The following GLYATL2 variants were observed in gnomAD, a reference collection of about 807,000 sequenced individuals.
GLYATL2 encodes the protein glycine N-acyltransferase-like protein 2.
GLYATL2 carries 25 observed loss-of-function variants against 21.4 expected under a neutral mutation model. The observed-to-expected ratio is 1.17, with a 90% CI of 0.85 to 1.63. The LOEUF is 1.63. Ranked by LOEUF, GLYATL2 falls within the 40% of genes most tolerant of loss-of-function variation. GLYATL2 has a pLI of 0.00. For synonymous variants in GLYATL2, 114 were observed against 118.2 expected (o/e 0.96, Z 0.23); for missense variants, 361 against 343.3 (o/e 1.05, Z -0.41).
chr11:58,865,120 G>A (rs918112708), intron 1 of GLYATL2, among the ~76,000 whole-genome samples: 1 of 140,034 alleles, frequency 7.1e-6, no homozygotes, highest in South Asian at 2.4e-4. Context: ...CTTTTTCTAT[G>A]TCAGTCATAC....
chr11:58,861,999 AT>A (rs1477240757), intron 1 of GLYATL2, among the ~76,000 whole-genome samples: 1 of 152,034 alleles, frequency 6.6e-6, no homozygotes, highest in Non-Finnish European at 1.5e-5. Context: ...AACTCCCTCA[AT>A]TTTTGTTTGC....
At chr11:58,867,542 C>T (rs142626532) in intron 1 of GLYATL2, among the ~76,000 whole-genome samples, 68 of 149,008 alleles carry the variant, frequency 4.6e-4, no homozygotes, top group African/African-American at 1.5e-3. Context: ...ACATTCAAGA[C>T]TAGCCAGCTG....
rs138067857 is a variant in GLYATL2 at position 58,887,241 on chromosome 11, A to G, written n.60+16915T>C. Among the ~76,000 whole-genome samples, 240 of 152,322 alleles carry G rather than the reference A, an allele frequency of 1.6e-3. 2 individuals carry two copies. The highest frequency in any genetic ancestry group is 5.6e-3 in the African/African-American group (231 of 41,578). ...TGAAAATATAAAAGTTGAATGCCAC[A>G]CATATATGACCAAAGAAATGGAAAT... On this transcript the variant is annotated intron_variant and non_coding_transcript_variant, in intron 1 of 4. Coordinates refer to the GLYATL2 transcript ENST00000533636.
intron 1 of GLYATL2, among the ~76,000 whole-genome samples, chr11:58,866,619 A>C (rs1315340195): frequency 6.7e-6 from 1 of 149,012 alleles, no homozygotes; most frequent in African/African-American, 2.4e-5. Context: ...AAGCCAGTAA[A>C]GAAATCTTTT....
chr11:58,884,419 C>T (rs1854399153), intron 1 of GLYATL2, among the ~76,000 whole-genome samples: 1 of 152,152 alleles, frequency 6.6e-6, no homozygotes, highest in Admixed American at 6.5e-5. Flanking sequence ...ACACCAATAA[C>T]AGACAAACAG....
intron 1 of GLYATL2, among the ~76,000 whole-genome samples, chr11:58,872,044 G>A (rs1329211366): frequency 1.3e-5 from 2 of 152,200 alleles, no homozygotes; most frequent in African/African-American, 4.8e-5. Flanking sequence ...GTGATGATGA[G>A]CATTTTTTCA....
At chr11:58,837,841 C>A (rs1365028748) in intron 3 of GLYATL2, among the ~76,000 whole-genome samples, 1 of 152,142 alleles carries the variant, frequency 6.6e-6, no homozygotes, top group African/African-American at 2.4e-5. Context: ...TTGGAAAGAA[C>A]CATCATTCCA....
upstream of GLYATL2, chr11:58,907,755 C>A (rs1854939233): frequency 4.8e-6 from 1 of 209,284 alleles, no homozygotes; most frequent in Admixed American, 5.3e-5. Context: ...TATCAATATT[C>A]TTGAGCTTTG....
chr11:58,901,186 A>T (rs1452576181), intron 1 of GLYATL2, among the ~76,000 whole-genome samples: 1 of 152,224 alleles, frequency 6.6e-6, no homozygotes, highest in Non-Finnish European at 1.5e-5. Flanking sequence ...ACAGAGAGAC[A>T]GGCGGGGCGG....
intron 1 of GLYATL2, among the ~76,000 whole-genome samples, chr11:58,859,286 C>A (rs1853889203): frequency 6.6e-6 from 1 of 151,606 alleles, no homozygotes; most frequent in South Asian, 2.1e-4. Context: ...CTAGGGAATA[C>A]CTGGATTCCC....
upstream of GLYATL2, among the ~76,000 whole-genome samples, chr11:58,844,964 T>C (rs1853617192): frequency 6.6e-6 from 1 of 152,132 alleles, no homozygotes; most frequent in African/African-American, 2.4e-5. Context: ...GAGAACTCAG[T>C]TTCATATACC....
intron 3 of GLYATL2, among the ~76,000 whole-genome samples, 173 bp downstream of exon 3, chr11:58,838,088 G>A (rs1408869611): frequency 6.6e-6 from 1 of 152,120 alleles, no homozygotes; most frequent in African/African-American, 2.4e-5. Context: ...CTGGATCTAA[G>A]TTCAAGCCTT....
intron 1 of GLYATL2, among the ~76,000 whole-genome samples, chr11:58,857,167 C>G (rs1310576074): frequency 6.6e-6 from 1 of 152,224 alleles, no homozygotes; most frequent in African/African-American, 2.4e-5. Flanking sequence ...CCTCTCCTCA[C>G]ATCCTCTCCA....
intron 2 of GLYATL2, among the ~76,000 whole-genome samples, chr11:58,838,760 G>A (rs895344216): frequency 2.0e-5 from 3 of 152,052 alleles, no homozygotes; most frequent in Non-Finnish European, 4.4e-5. Context: ...CAACCCTAAA[G>A]TTAAGTTTAG....
At chr11:58,899,656 G>A (rs767592691) in intron 1 of GLYATL2, among the ~76,000 whole-genome samples, 3 of 152,110 alleles carry the variant, frequency 2.0e-5, no homozygotes, top group Admixed American at 6.5e-5. Flanking sequence ...ACATACCAGC[G>A]GGTTAGGGTT....
upstream of GLYATL2, chr11:58,907,465 T>G (rs1211505771): frequency 6.5e-6 from 2 of 309,692 alleles, no homozygotes; most frequent in East Asian, 2.2e-4. Flanking sequence ...ATTTCATGTA[T>G]TTCGCTCTTT....
chr11:58,892,603 A>T (rs1854563613), intron 1 of GLYATL2: 1 of 273,710 alleles, frequency 3.7e-6, no homozygotes, highest in Non-Finnish European at 7.8e-6. Context: ...ATCATGTGGG[A>T]GCAGTGTAAG....
chr11:58,855,094 T>C (rs513590), intron 1 of GLYATL2, among the ~76,000 whole-genome samples: 135,038 of 152,212 alleles, frequency 0.89, 61,062 homozygotes, highest in Non-Finnish European at 0.98. Context: ...TGTTGATAGC[T>C]TGATCTCCTC....
At chr11:58,835,416 A>T (rs1853411695) in intron 5 of GLYATL2, among the ~76,000 whole-genome samples, 1 of 152,218 alleles carries the variant, frequency 6.6e-6, no homozygotes. Flanking sequence ...GGTGCTAACC[A>T]TTGGGATTCT....
Sources: allele counts gnomAD v4.1 joint callset (sites outside exome capture counted in the v4.1 genomes callset), GRCh38; gene constraint gnomAD v4.1.1; transcripts MANE v1.5; gene names NCBI Gene and HGNC (gene_info 2026-07-23, HGNC 2026-07-21).